The following PTPRZ1 variants were observed in gnomAD, a reference collection of about 807,000 sequenced individuals.
The protein encoded by PTPRZ1 is receptor-type tyrosine-protein phosphatase zeta.
Under a neutral mutation model 214.1 loss-of-function variants are expected in PTPRZ1, and 82 were observed. The ratio of observed to expected loss-of-function variants is 0.38; its 90% confidence interval spans 0.32 to 0.46. The LOEUF is 0.46. Ranked by LOEUF, PTPRZ1 falls within the 20% of genes least tolerant of loss-of-function variation. The pLI, the probability that PTPRZ1 is intolerant of heterozygous loss-of-function variation, is 1.00. For missense variants in PTPRZ1, 2,603 were observed against 2,748.7 expected (o/e 0.95, Z 1.19); for synonymous variants, 945 against 987.9 (o/e 0.96, Z 0.81).
chr7:121,924,048 T>G (rs1001559164), intron 1 of PTPRZ1, among the ~76,000 whole-genome samples: 1 of 152,060 alleles, frequency 6.6e-6, no homozygotes, highest in African/African-American at 2.4e-5. Context: ...AAAAAAGATT[T>G]GCTAATATGT....
At chr7:122,045,125 A>G (rs1799848590) in intron 23 of PTPRZ1, among the ~76,000 whole-genome samples, 1 of 152,144 alleles carries the variant, frequency 6.6e-6, no homozygotes, top group East Asian at 1.9e-4. Context: ...CAGCTCTCTG[A>G]CTTTCAGAAA....
chr7:122,050,047 T>C (rs916453549), intron 23 of PTPRZ1, among the ~76,000 whole-genome samples: 1 of 152,112 alleles, frequency 6.6e-6, no homozygotes, highest in African/African-American at 2.4e-5. Flanking sequence ...AAAAGTAACA[T>C]TGTATCTCTA....
intron 8 of PTPRZ1, among the ~76,000 whole-genome samples, chr7:121,989,766 A>G (rs1237052486): frequency 6.6e-6 from 1 of 152,220 alleles, no homozygotes; most frequent in African/African-American, 2.4e-5. Context: ...TTTGATTTTT[A>G]TTAAATTCAA....
chr7:122,025,869 G>C (rs1429725847), intron 13 of PTPRZ1, among the ~76,000 whole-genome samples: 1 of 152,170 alleles, frequency 6.6e-6, no homozygotes, highest in Non-Finnish European at 1.5e-5. Flanking sequence ...GGAGAGAAAA[G>C]GCAGGTTTAT....
At chr7:121,948,404 C>A (rs755249462) in intron 2 of PTPRZ1, among the ~76,000 whole-genome samples, 3 of 152,064 alleles carry the variant, frequency 2.0e-5, no homozygotes, top group Non-Finnish European at 4.4e-5. Context: ...TCTCTTGAGC[C>A]CAGTAGTTCA....
chr7:121,999,435 C>A lies in PTPRZ1; in HGVS notation c.1240+1429C>A, dbSNP rs192752340. Among the ~76,000 whole-genome samples, 25 of 152,240 alleles carry A rather than the reference C, an allele frequency of 1.6e-4. 1 individual carries two copies. Among genetic ancestry groups the A allele is most frequent in the Admixed American group, 1.5e-3 (23 of 15,276 alleles). On this transcript the variant is annotated intron_variant, in intron 10 of 29. Coordinates refer to ENST00000393386, the MANE Select transcript of PTPRZ1 (RefSeq NM_002851.3). ...ACAATGAGCTACCCAGAAAATGACA[C>A]CTTTAGCCATACAACATTGATCATG...
intron 1 of PTPRZ1, among the ~76,000 whole-genome samples, chr7:121,926,426 A>T (rs1055666507): frequency 1.3e-5 from 2 of 152,196 alleles, no homozygotes; most frequent in African/African-American, 4.8e-5. Flanking sequence ...GGGAACTTTC[A>T]GGCTGTCCTG....
At chr7:122,000,577 T>A (rs1798285557) in intron 10 of PTPRZ1, among the ~76,000 whole-genome samples, 1 of 147,334 alleles carries the variant, frequency 6.8e-6, no homozygotes, top group Non-Finnish European at 1.5e-5. Flanking sequence ...AATATTGTAT[T>A]GCTTTTTGCT....
intron 1 of PTPRZ1, among the ~76,000 whole-genome samples, chr7:121,885,168 G>A (rs954323437): frequency 1.3e-5 from 2 of 152,142 alleles, no homozygotes; most frequent in African/African-American, 4.8e-5. Flanking sequence ...AGCAAAATGT[G>A]TATGTTAAAA....
At chr7:122,050,128 T>G (rs1388260412) in intron 23 of PTPRZ1, among the ~76,000 whole-genome samples, 1 of 152,070 alleles carries the variant, frequency 6.6e-6, no homozygotes, top group Non-Finnish European at 1.5e-5. Flanking sequence ...CCTTTATAAC[T>G]ATTGTAAGAT....
At position 121,873,172 on chromosome 7, in the gene PTPRZ1, G is replaced by T. The variant is rs1479075764; in HGVS notation, c.-328G>T. The stretch of plus-strand genomic sequence containing the variant: ...CTCTCGGAGCGCTCAGACCGCGGCC[G>T]CCGCAGCCGGCGAAAGAGGCAAAGT... On this transcript the variant is annotated 5_prime_UTR_variant, in exon 1 of 30. Transcript: ENST00000393386. 3 of 412,606 alleles carry T rather than the reference G, an allele frequency of 7.3e-6. No individual in the cohort carries two copies. The highest frequency in any genetic ancestry group is 2.1e-5 in the African/African-American group (1 of 48,748). The allele number at this position is 412,606 out of a possible 1,614,324, so 25.6% of individuals were successfully genotyped here. A position where few individuals can be genotyped will look rare whatever the true frequency, so the allele number is the denominator to read the frequency against.
chr7:121,984,817 ATT>A (rs1165140659), intron 8 of PTPRZ1, among the ~76,000 whole-genome samples: 1 of 151,720 alleles, frequency 6.6e-6, no homozygotes, highest in Non-Finnish European at 1.5e-5. Flanking sequence ...AGTTAAAAGC[ATT>A]TTTAAATGTC....
intron 1 of PTPRZ1, among the ~76,000 whole-genome samples, chr7:121,873,829 G>T (rs2116119311): frequency 6.6e-6 from 1 of 152,276 alleles, no homozygotes; most frequent in Middle Eastern, 3.4e-3. Context: ...ACTGGAGACG[G>T]AGGGCTACTC....
Position 121,996,396 on chromosome 7 carries a change from C to A in PTPRZ1, c.943C>A (p.Pro315Thr). The A allele has an allele frequency of 1.2e-6, 2 of 1,603,084 alleles. No individual in the cohort carries two copies. Among genetic ancestry groups the A allele is most frequent in the Non-Finnish European group, 8.5e-7 (1 of 1,174,128 alleles). Residue 315 changes from proline (P) to threonine (T), a missense_variant, in exon 9 of 30, where the codon CCA becomes ACA. This residue lies in a region of PTPRZ1 where 244 missense variants were observed against 333.2 expected (regional missense o/e 0.73). Coordinates refer to ENST00000393386, the MANE Select transcript of PTPRZ1 (RefSeq NM_002851.3). ...EIHEAVCSSEPENVQADPENY... is the reference protein window; with the variant it reads ...EIHEAVCSSETENVQADPENY... ...TCTCTCTGAAGTTTGTAGTTCAGAA[C>A]CAGAAAATGTTCAGGCTGACCCAGA... is the stretch of plus-strand genomic sequence containing the variant.
chr7:121,929,953 A>G (rs939082222), intron 2 of PTPRZ1, among the ~76,000 whole-genome samples: 1 of 152,102 alleles, frequency 6.6e-6, no homozygotes, highest in Non-Finnish European at 1.5e-5. Flanking sequence ...CCCAAGATTG[A>G]TGATTGTCAT....
chr7:122,034,843 T>C (rs1319724184), intron 17 of PTPRZ1, among the ~76,000 whole-genome samples: 2 of 152,176 alleles, frequency 1.3e-5, no homozygotes, highest in East Asian at 3.8e-4. Context: ...AGTTGGATTC[T>C]TTCTTTTAAT....
At chr7:122,020,619 A>G (rs1055524052) in intron 13 of PTPRZ1, among the ~76,000 whole-genome samples, 11 of 152,332 alleles carry the variant, frequency 7.2e-5, no homozygotes, top group Non-Finnish European at 1.5e-4. Context: ...GTAGTTGGAC[A>G]TTGGTTGGCT....
In PTPRZ1 at chr7:122,037,296, G is replaced by A. The variant is rs1799578157; in HGVS notation, c.5367+614G>A. 2.6e-5 allele frequency among the ~76,000 whole-genome samples: 4 copies of A among 152,018 alleles called. 1 individual carries two copies. The South Asian group carries it at 8.3e-4, about 31-fold the overall frequency. ...TCTCAGAAAAAAAAAAAATGTGAAG[G>A]GCAGGGCCAAGGCTTATTTTAAGTT... is the stretch of plus-strand genomic sequence containing the variant. On this transcript the variant is annotated intron_variant, in intron 18 of 29. Transcript: ENST00000393386.
At chr7:121,881,954 CTGT>C (rs1562998881) in intron 1 of PTPRZ1, among the ~76,000 whole-genome samples, 7 of 152,138 alleles carry the variant, frequency 4.6e-5, no homozygotes, top group African/African-American at 1.7e-4. Context: ...TTTTTGTTTA[CTGT>C]TATGAAATAA....
Sources: allele counts gnomAD v4.1 joint callset (sites outside exome capture counted in the v4.1 genomes callset), GRCh38; gene constraint gnomAD v4.1.1; regional missense constraint gnomAD v4.1.1; transcripts MANE v1.5; gene names NCBI Gene and HGNC (gene_info 2026-07-23, HGNC 2026-07-21).